VPS54: variants seen among roughly 807,000 people sequenced by gnomAD.
VPS54 encodes vacuolar protein sorting-associated protein 54.
Under a neutral mutation model 121.5 loss-of-function variants are expected in VPS54, and 45 were observed. The observed-to-expected ratio is 0.37, with a 90% CI of 0.29 to 0.47. The LOEUF (loss-of-function observed/expected upper bound fraction) is 0.47. VPS54 is among the 20% of genes least tolerant of loss of function. The probability of loss-of-function intolerance (pLI) is 0.99; values close to 1 mark genes in which losing one functional copy is unlikely to be tolerated. For synonymous variants in VPS54, 371 were observed against 385.8 expected, an observed-to-expected ratio of 0.96 and a Z score of 0.45; for missense variants, 1,090 against 1,131.4, an observed-to-expected ratio of 0.96 and a Z score of 0.52.
chr2:63,990,055 G>T (rs1677241089), intron 1 of VPS54, among the ~76,000 whole-genome samples: 2 of 152,104 alleles, frequency 1.3e-5, no homozygotes, highest in African/African-American at 4.8e-5. Context: ...TGGGGTGATT[G>T]GGCCTTGGTA....
At chr2:64,007,052 T>C (rs1341194332) in intron 1 of VPS54, among the ~76,000 whole-genome samples, 1 of 152,180 alleles carries the variant, frequency 6.6e-6, no homozygotes, top group African/African-American at 2.4e-5. Context: ...GCATTCCTAA[T>C]CCTGGAGAGA....
intron 6 of VPS54, among the ~76,000 whole-genome samples, chr2:63,965,007 A>G (rs1675926558): frequency 6.6e-6 from 1 of 152,218 alleles, no homozygotes; most frequent in East Asian, 1.9e-4. Flanking sequence ...TGTAAAACGT[A>G]AAGAACTGCT....
intron 1 of VPS54, among the ~76,000 whole-genome samples, chr2:63,994,842 T>C (rs1041911554): frequency 2.0e-5 from 3 of 152,186 alleles, no homozygotes; most frequent in Admixed American, 6.5e-5. Context: ...AAATGACTCA[T>C]ATGGTTTAGT....
chr2:63,927,827 T>C (rs958544565), intron 12 of VPS54, among the ~76,000 whole-genome samples: 4 of 152,140 alleles, frequency 2.6e-5, no homozygotes, highest in African/African-American at 7.2e-5. Flanking sequence ...AATGACCTGA[T>C]GGAGCTGAGA....
intron 1 of VPS54, among the ~76,000 whole-genome samples, chr2:64,011,089 T>G (rs1302246859): frequency 6.6e-6 from 1 of 152,228 alleles, no homozygotes; most frequent in Non-Finnish European, 1.5e-5. Flanking sequence ...TTTGTAATGT[T>G]AAATTTAAAT....
Position 63,912,414 on chromosome 2 carries a change from A to T in VPS54, c.2556T>A (p.Asp852Glu). The T allele has an allele frequency of 6.2e-7, 1 of 1,612,744 alleles. No homozygotes were observed. Among genetic ancestry groups the T allele is most frequent in the Non-Finnish European group, 8.5e-7 (1 of 1,179,114 alleles). Residue 852 changes from aspartate (D) to glutamate (E), a missense_variant, in exon 20 of 23, where the codon GAT becomes GAA. Physicochemically the swap from Asp to Glu is conservative, Grantham distance 45. Coordinates refer to ENST00000272322, the MANE Select transcript of VPS54 (RefSeq NM_016516.3). The part of the protein sequence containing the change: ...HFDHITKDYH[D>E]HIAEISAKLV... ...GCTTAGCTGATATTTCAGCTATGTGATCATGGTAGTCCTGCAATGAGAAAT... is the reference window on the plus strand; with the variant it reads ...GCTTAGCTGATATTTCAGCTATGTGTTCATGGTAGTCCTGCAATGAGAAAT...
At chr2:63,922,213 C>G (rs1673679004) in intron 12 of VPS54, among the ~76,000 whole-genome samples, 1 of 152,206 alleles carries the variant, frequency 6.6e-6, no homozygotes, top group African/African-American at 2.4e-5. Flanking sequence ...GTAAAACTTT[C>G]TATTTTTAAA....
chr2:63,943,435 A>C (rs911639965), intron 10 of VPS54, among the ~76,000 whole-genome samples: 1 of 152,156 alleles, frequency 6.6e-6, no homozygotes, highest in African/African-American at 2.4e-5. Context: ...GGAGCTTCTA[A>C]TAGTGTCCCA....
At chr2:64,012,075 C>T (rs1678455418) in intron 1 of VPS54, among the ~76,000 whole-genome samples, 1 of 152,126 alleles carries the variant, frequency 6.6e-6, no homozygotes, top group African/African-American at 2.4e-5. Flanking sequence ...TAATTAATCA[C>T]TCCTTGGCAT....
At chr2:64,000,228 ATC>A (rs549712068) in intron 1 of VPS54, among the ~76,000 whole-genome samples, 10 of 152,178 alleles carry the variant, frequency 6.6e-5, no homozygotes, top group South Asian at 2.1e-4. Context: ...ACTCCAGAAT[ATC>A]TGTTTAATTA....
intron 11 of VPS54, among the ~76,000 whole-genome samples, chr2:63,939,462 A>G (rs189282978): frequency 3.9e-4 from 60 of 152,334 alleles, no homozygotes; most frequent in Non-Finnish European, 1.5e-4. Flanking sequence ...GCAACAATGT[A>G]GGAGAGTAAA....
At chr2:64,005,249 G>A (rs563503894) in intron 1 of VPS54, among the ~76,000 whole-genome samples, 1,855 of 150,632 alleles carry the variant, frequency 0.012, 17 homozygotes, top group Non-Finnish European at 0.015. Flanking sequence ...GACTACAGGT[G>A]CCCGCCACCG....
At chr2:63,982,483 GAGTT>G (rs1644309266) in intron 2 of VPS54, among the ~76,000 whole-genome samples, 1 of 152,154 alleles carries the variant, frequency 6.6e-6, no homozygotes, top group African/African-American at 2.4e-5. Flanking sequence ...GGAAACTAAA[GAGTT>G]AGGTTCCTGC....
At chr2:63,987,981 C>T (rs1677133050) in intron 1 of VPS54, among the ~76,000 whole-genome samples, 1 of 152,120 alleles carries the variant, frequency 6.6e-6, no homozygotes, top group South Asian at 2.1e-4. Context: ...GATAATTTGA[C>T]TCCTTCCTTT....
chr2:63,946,539 G>A (rs1310117967), intron 9 of VPS54, among the ~76,000 whole-genome samples: 3 of 151,818 alleles, frequency 2.0e-5, no homozygotes, highest in African/African-American at 7.3e-5. Flanking sequence ...TAATTTTTTT[G>A]CTTATTTAAC....
At chr2:63,984,352 T>C (rs1190519184) in intron 1 of VPS54, among the ~76,000 whole-genome samples, 1 of 152,256 alleles carries the variant, frequency 6.6e-6, no homozygotes, top group Admixed American at 6.5e-5. Context: ...AACAGATAAG[T>C]GCATGGGTTT....
chr2:63,981,943 G>A, intron 2 of VPS54, 56 bp from the exon 3 acceptor site: 1 of 1,542,388 alleles, frequency 6.5e-7, no homozygotes, highest in Non-Finnish European at 8.7e-7. Context: ...TTCTATGTTT[G>A]AAAGTACACA....
chr2:63,991,995 C>T (rs571931284), intron 1 of VPS54, among the ~76,000 whole-genome samples: 3 of 152,280 alleles, frequency 2.0e-5, no homozygotes, highest in Non-Finnish European at 2.9e-5. Context: ...TGGCCCTTTA[C>T]CTCAAGGTTT....
intron 20 of VPS54, among the ~76,000 whole-genome samples, chr2:63,903,423 A>G (rs1039653103): frequency 6.6e-6 from 1 of 152,204 alleles, no homozygotes; most frequent in Non-Finnish European, 1.5e-5. Flanking sequence ...GCAGTATGGT[A>G]TCGGATGGAT....
Sources: gnomAD v4.1 joint callset for allele counts (sites outside exome capture counted in the v4.1 genomes callset) on GRCh38, gnomAD v4.1.1 for gene constraint, MANE v1.5 for transcripts, NCBI Gene and HGNC (gene_info 2026-07-23, HGNC 2026-07-21) for gene names.